Variants in COL8A1 observed in about 807,000 individuals in gnomAD.
COL8A1 encodes the protein collagen type VIII alpha 1 chain.
A neutral mutation model predicts 42.7 loss-of-function variants in COL8A1; 21 were observed. The ratio of observed to expected loss-of-function variants is 0.49; its 90% confidence interval spans 0.35 to 0.71. The LOEUF is 0.71. Ranked by LOEUF, COL8A1 falls within the 30% of genes least tolerant of loss-of-function variation. COL8A1 has a pLI of 0.01. For synonymous variants in COL8A1, 367 were observed against 369.1 expected, an observed-to-expected ratio of 0.99 and a Z score of 0.06; for missense variants, 788 against 962.4, an observed-to-expected ratio of 0.82 and a Z score of 2.40.
chr3:99,741,687 C>A (rs754651813), intron 1 of COL8A1, among the ~76,000 whole-genome samples: 1 of 152,158 alleles, frequency 6.6e-6, no homozygotes, highest in Non-Finnish European at 1.5e-5. Flanking sequence ...GCTTCTCCTG[C>A]GTAGTGGTCT....
chr3:99,751,041 G>A (rs1941138298), intron 2 of COL8A1, among the ~76,000 whole-genome samples: 1 of 152,110 alleles, frequency 6.6e-6, no homozygotes, highest in African/African-American at 2.4e-5. Flanking sequence ...GAAATATAGA[G>A]CTATTTTAGA....
chr3:99,766,950 G>GA (rs11428773), intron 2 of COL8A1, among the ~76,000 whole-genome samples: 75,918 of 147,718 alleles, frequency 0.51, 19,339 homozygotes, highest in East Asian at 0.67. Context: ...ACTCTGTCTT[G>GA]AAAAAAAAAA....
Position 99,798,233 on chromosome 3 carries a change from A to G in COL8A1, c.*2097A>G, listed in dbSNP as rs1942136582. ...TAAGAAGAGAAATTAGTCCATTACC[A>G]CAGGGGTTCTTGTCACTACTAATTA... is the stretch of plus-strand genomic sequence containing the variant. On this transcript the variant is annotated 3_prime_UTR_variant, in exon 4 of 4. Coordinates refer to ENST00000652472, the MANE Select transcript of COL8A1 (RefSeq NM_020351.4). 1 of 152,240 alleles carries G rather than the reference A, an allele frequency of 6.6e-6. No homozygotes were observed. Among genetic ancestry groups the G allele is most frequent in the East Asian group, 1.9e-4 (1 of 5,200 alleles). The allele number at this position is 152,240 out of a possible 1,614,324, so 9.4% of individuals were successfully genotyped here. A position where few individuals can be genotyped will look rare whatever the true frequency, so the allele number is the denominator to read the frequency against.
chr3:99,771,531 T>C (rs886848566), intron 2 of COL8A1, among the ~76,000 whole-genome samples: 1 of 152,208 alleles, frequency 6.6e-6, no homozygotes, highest in Non-Finnish European at 1.5e-5. Context: ...GCCAAGAAGA[T>C]ACCAGGCAAC....
intron 2 of COL8A1, among the ~76,000 whole-genome samples, chr3:99,773,868 C>T (rs146430331): frequency 0.011 from 465 of 41,180 alleles, 3 homozygotes; most frequent in African/African-American, 0.04. Flanking sequence ...TTTTTGAGAC[C>T]GAGTTTCACT....
At chr3:99,704,258 A>G (rs960208494) in intron 1 of COL8A1, among the ~76,000 whole-genome samples, 2 of 152,216 alleles carry the variant, frequency 1.3e-5, no homozygotes, top group African/African-American at 4.8e-5. Flanking sequence ...ATGAATCCCA[A>G]CAGATAACCA....
chr3:99,788,750 T>G (rs1027080035), intron 2 of COL8A1, among the ~76,000 whole-genome samples: 1 of 152,052 alleles, frequency 6.6e-6, no homozygotes, highest in Non-Finnish European at 1.5e-5. Context: ...AAGCAAAAAA[T>G]AGAAGTGTGT....
chr3:99,722,099 A>G (rs1188982478), intron 1 of COL8A1, among the ~76,000 whole-genome samples: 1 of 152,036 alleles, frequency 6.6e-6, no homozygotes, highest in East Asian at 1.9e-4. Context: ...TTGATCATAT[A>G]ATTTTTTTAT....
intron 2 of COL8A1, among the ~76,000 whole-genome samples, chr3:99,751,550 C>T (rs1056536009): frequency 2.0e-5 from 3 of 151,646 alleles, no homozygotes; most frequent in African/African-American, 7.3e-5. Flanking sequence ...CAGAGTGAGA[C>T]TGAAAAAAAG....
chr3:99,682,142 C>T (rs1006429519), intron 1 of COL8A1, among the ~76,000 whole-genome samples: 13 of 152,256 alleles, frequency 8.5e-5, no homozygotes, highest in East Asian at 3.9e-4. Flanking sequence ...CGGCCGGGTT[C>T]GGTGGGTCAT....
intron 1 of COL8A1, among the ~76,000 whole-genome samples, chr3:99,725,440 G>A (rs949432533): frequency 1.3e-5 from 2 of 151,472 alleles, no homozygotes; most frequent in Non-Finnish European, 2.9e-5. Context: ...TATACTTTAA[G>A]TTTTAGGGTA....
chr3:99,754,920 G>A (rs76431894), intron 2 of COL8A1, among the ~76,000 whole-genome samples: 2 of 152,274 alleles, frequency 1.3e-5, no homozygotes, highest in East Asian at 3.9e-4. Flanking sequence ...GCTAAGACTT[G>A]CTGGCATCAA....
intron 1 of COL8A1, among the ~76,000 whole-genome samples, chr3:99,698,781 T>C (rs78349620): frequency 0.017 from 2,633 of 152,318 alleles, 62 homozygotes; most frequent in African/African-American, 0.061. Context: ...GAATGTATGC[T>C]CCATAGGAGA....
intron 1 of COL8A1, among the ~76,000 whole-genome samples, chr3:99,728,128 G>T (rs570526262): frequency 6.6e-6 from 1 of 152,046 alleles, no homozygotes. Flanking sequence ...CGTAGTGTTG[G>T]AAGTTCTGGC....
intron 1 of COL8A1, among the ~76,000 whole-genome samples, chr3:99,738,888 T>C (rs1424939369): frequency 6.6e-6 from 1 of 152,144 alleles, no homozygotes; most frequent in Non-Finnish European, 1.5e-5. Flanking sequence ...TCCGTGGGCG[T>C]AGGACCCTCT....
At chr3:99,762,503 A>G (rs561316190) in intron 2 of COL8A1, among the ~76,000 whole-genome samples, 1 of 152,342 alleles carries the variant, frequency 6.6e-6, no homozygotes, top group South Asian at 2.1e-4. Flanking sequence ...GAATGCGAAG[A>G]TGCAGGGAGA....
intron 1 of COL8A1, among the ~76,000 whole-genome samples, chr3:99,738,957 G>A (rs1032708058): frequency 3.9e-5 from 6 of 152,192 alleles, no homozygotes; most frequent in Non-Finnish European, 7.3e-5. Flanking sequence ...TCAGAAAAGC[G>A]CAGTATTTGG....
chr3:99,654,569 C>T (rs1937952206), intron 1 of COL8A1, among the ~76,000 whole-genome samples: 1 of 152,220 alleles, frequency 6.6e-6, no homozygotes, highest in South Asian at 2.1e-4. Context: ...AGGTAGATCA[C>T]TTGAGCCTAG....
chr3:99,794,575 G>A lies in COL8A1; in HGVS notation c.674G>A (p.Arg225Gln), dbSNP rs147742993. The change falls in exon 4 of 4, where the codon CGA becomes CAA. Residue 225 changes from arginine to glutamine, a missense_variant. Around this residue, in one of 4 missense-constraint regions of COL8A1, gnomAD observed 421 missense variants for 553.1 expected, o/e 0.76. Transcript: ENST00000652472. The surrounding 1 kb of genome is among the most constrained non-coding windows in gnomAD (Gnocchi z 4.3). The stretch of plus-strand genomic sequence containing the variant: ...GGGCAACCAGGACCAAAGGGTGATC[G>A]AGGACCCAAAGGACTACCAGGACCT... ...LPGQPGPKGD[R>Q]GPKGLPGPQG... is the part of the protein sequence containing the mutation. 1.5e-4 allele frequency: 245 copies of A among 1,613,626 alleles called. 1 individual carries two copies. The highest frequency in any genetic ancestry group is 2.9e-4 in the African/African-American group (22 of 74,880).
Sources: allele counts gnomAD v4.1 joint callset (sites outside exome capture counted in the v4.1 genomes callset), GRCh38; gene constraint gnomAD v4.1.1; regional missense constraint gnomAD v4.1.1; non-coding constraint Gnocchi (gnomAD v3.1); transcripts MANE v1.5; gene names NCBI Gene and HGNC (gene_info 2026-07-23, HGNC 2026-07-21).